PTCSC3: variants seen among roughly 807,000 people sequenced by gnomAD.
PTCSC3 encodes the protein papillary thyroid carcinoma susceptibility candidate 3 (non-protein coding).
At chr14:36,165,085 C>G (rs910229308) in intron 1 of PTCSC3, 3 of 152,312 alleles carry the variant, frequency 2.0e-5, no homozygotes, top group Admixed American at 1.3e-4. Context: ...GACTACTTCT[C>G]ACAGCTGACG....
intron 3 of PTCSC3, among the ~76,000 whole-genome samples, chr14:36,144,364 A>G (rs1220842366): frequency 6.9e-6 from 1 of 144,002 alleles, no homozygotes; most frequent in Non-Finnish European, 1.5e-5. Context: ...CTCCTTGAAG[A>G]GGTCCTTCAC....
intron 3 of PTCSC3, among the ~76,000 whole-genome samples, chr14:36,139,628 GT>G (rs1881373808): frequency 6.6e-6 from 1 of 152,056 alleles, no homozygotes; most frequent in African/African-American, 2.4e-5. Flanking sequence ...ATGGTCCTTA[GT>G]TTAGAACATA....
intron 1 of PTCSC3, among the ~76,000 whole-genome samples, chr14:36,173,320 A>T (rs1396973860): frequency 6.6e-6 from 1 of 151,990 alleles, no homozygotes; most frequent in East Asian, 1.9e-4. Context: ...GATGAGTCAG[A>T]CTCTTTCACT....
intron 3 of PTCSC3, among the ~76,000 whole-genome samples, chr14:36,144,274 A>T (rs1249488541): frequency 6.8e-6 from 1 of 148,056 alleles, no homozygotes. Context: ...CACGATATTG[A>T]TTCTTCCTAC....
chr14:36,170,572 G>T (rs1882172932), intron 1 of PTCSC3, among the ~76,000 whole-genome samples: 2 of 152,070 alleles, frequency 1.3e-5, no homozygotes, highest in South Asian at 4.1e-4. Context: ...CTGGCATGTT[G>T]TGTGTGCCCA....
intron 1 of PTCSC3, among the ~76,000 whole-genome samples, chr14:36,168,396 TA>T: frequency 4.1e-5 from 6 of 144,856 alleles, no homozygotes; most frequent in African/African-American, 2.5e-5. Flanking sequence ...TATATATATA[TA>T]TTCTACTTTT....
Position 36,148,432 on chromosome 14 carries a change from G to C in PTCSC3, n.322+5372C>G, listed in dbSNP as rs558447029. 1.2e-4 allele frequency among the ~76,000 whole-genome samples: 18 copies of C among 152,282 alleles called. No individual in the cohort carries two copies. The East Asian group carries it at 2.1e-3, about 18-fold the overall frequency. On this transcript the variant is annotated intron_variant and non_coding_transcript_variant, in intron 3 of 3. Coordinates refer to ENST00000556013, the Ensembl canonical transcript of PTCSC3. ...GTGGGAGTGACCCGATTTTCCAGGT[G>C]CTGTCCGTCACCCCTTTCTTTGACT...
At chr14:36,169,939 C>A (rs1257521536) in intron 1 of PTCSC3, among the ~76,000 whole-genome samples, 1 of 152,084 alleles carries the variant, frequency 6.6e-6, no homozygotes, top group African/African-American at 2.4e-5. Context: ...GTATTAAGTG[C>A]TGTAATAGAG....
chr14:36,152,249 T>G (rs1881739817), intron 3 of PTCSC3, among the ~76,000 whole-genome samples: 1 of 151,978 alleles, frequency 6.6e-6, no homozygotes, highest in African/African-American at 2.4e-5. Context: ...AAAAAATGAA[T>G]AAATTGGACT....
At chr14:36,168,415 C>T (rs1051612686) in intron 1 of PTCSC3, among the ~76,000 whole-genome samples, 10 of 128,838 alleles carry the variant, frequency 7.8e-5, no homozygotes, top group Non-Finnish European at 1.6e-4. Context: ...TTTTGTGTGG[C>T]TGCAGAAATA....
At chr14:36,145,408 AATTT>A (rs973657394) in intron 3 of PTCSC3, among the ~76,000 whole-genome samples, 7 of 150,412 alleles carry the variant, frequency 4.7e-5, no homozygotes, top group Admixed American at 1.3e-4. Context: ...TGTGTTGAGG[AATTT>A]ATCCATTTCT....
chr14:36,136,966 A>C (rs781764968), intron 3 of PTCSC3, among the ~76,000 whole-genome samples: 60 of 152,354 alleles, frequency 3.9e-4, no homozygotes, highest in African/African-American at 9.6e-4. Flanking sequence ...AACAACACAA[A>C]GTCCTTATTC....
intron 2 of PTCSC3, among the ~76,000 whole-genome samples, chr14:36,158,422 C>T (rs576939435): frequency 6.6e-6 from 1 of 151,944 alleles, no homozygotes; most frequent in African/African-American, 2.4e-5. Context: ...TTTTGAGATA[C>T]GTCCCATCAA....
intron 1 of PTCSC3, among the ~76,000 whole-genome samples, chr14:36,172,636 T>C (rs1194925741): frequency 6.6e-6 from 1 of 152,170 alleles, no homozygotes; most frequent in Non-Finnish European, 1.5e-5. Flanking sequence ...TTTTAAATAC[T>C]GCATTTATAG....
At chr14:36,146,285 G>A (rs1284416654) in intron 3 of PTCSC3, among the ~76,000 whole-genome samples, 1 of 148,526 alleles carries the variant, frequency 6.7e-6, no homozygotes, top group Non-Finnish European at 1.5e-5. Flanking sequence ...CATTATTAAT[G>A]TGTGGGAGTC....
chr14:36,161,329 T>C (rs1312541348), intron 2 of PTCSC3, among the ~76,000 whole-genome samples: 1 of 152,230 alleles, frequency 6.6e-6, no homozygotes, highest in Non-Finnish European at 1.5e-5. Flanking sequence ...TCAGTCTTTT[T>C]GTGCTGGTTT....
At chr14:36,148,546 G>C (rs954851300) in intron 3 of PTCSC3, among the ~76,000 whole-genome samples, 1 of 152,202 alleles carries the variant, frequency 6.6e-6, no homozygotes, top group African/African-American at 2.4e-5. Flanking sequence ...TGCACCCACT[G>C]ACCTGTGCCC....
At chr14:36,146,722 C>T (rs1446108144) in intron 3 of PTCSC3, among the ~76,000 whole-genome samples, 5 of 151,748 alleles carry the variant, frequency 3.3e-5, no homozygotes, top group African/African-American at 4.9e-5. Context: ...TAGCTGGTTA[C>T]TTTGCTCGTT....
chr14:36,176,406 C>A (rs1882280624), exon 1 of PTCSC3: 1 of 151,850 alleles, frequency 6.6e-6, no homozygotes, highest in African/African-American at 2.4e-5. Context: ...TCTTCACTCA[C>A]AGGCAGAGTA....
Sources: allele counts gnomAD v4.1 joint callset (sites outside exome capture counted in the v4.1 genomes callset), GRCh38; gene constraint gnomAD v4.1.1; transcripts MANE v1.5; gene names NCBI Gene and HGNC (gene_info 2026-07-23, HGNC 2026-07-21).